The following CCDC102B variants were observed in gnomAD, a reference collection of about 807,000 sequenced individuals.
CCDC102B encodes the protein coiled-coil domain containing 102B.
A neutral mutation model predicts 57.4 loss-of-function variants in CCDC102B; 75 were observed. The observed-to-expected ratio is 1.31, with a 90% CI of 1.08 to 1.58. CCDC102B has a LOEUF of 1.58. Among genes scored for constraint, CCDC102B ranks in the 40% most tolerant of loss-of-function variants. The pLI, the probability that CCDC102B is intolerant of heterozygous loss-of-function variation, is 0.00. For synonymous variants in CCDC102B, 206 were observed against 201.9 expected (o/e 1.02, Z -0.17); for missense variants, 636 against 582.6 (o/e 1.09, Z -0.94).
At chr18:68,835,737 T>G (rs2144782411) in intron 1 of CCDC102B, among the ~76,000 whole-genome samples, 1 of 152,336 alleles carries the variant, frequency 6.6e-6, no homozygotes, top group East Asian at 1.9e-4. Flanking sequence ...ATCTTCATGA[T>G]TCACCATTTT....
At chr18:68,877,941 AT>A (rs2039514038) in intron 5 of CCDC102B, among the ~76,000 whole-genome samples, 1 of 152,194 alleles carries the variant, frequency 6.6e-6, no homozygotes, top group Non-Finnish European at 1.5e-5. Context: ...CATTAATTGA[AT>A]GAATGAGGGA....
At chr18:68,926,692 G>A (rs1296656605) in intron 6 of CCDC102B, among the ~76,000 whole-genome samples, 2 of 151,850 alleles carry the variant, frequency 1.3e-5, no homozygotes, top group Non-Finnish European at 2.9e-5. Flanking sequence ...TATTATTAAA[G>A]TTCATTATGT....
At chr18:68,761,477 T>C (rs2034252282) in intron 2 of CCDC102B, among the ~76,000 whole-genome samples, 1 of 150,996 alleles carries the variant, frequency 6.6e-6, no homozygotes, top group Admixed American at 6.6e-5. Context: ...TCTCCCACTC[T>C]GAGTGTGAAT....
chr18:68,793,619 A>G (rs867969606), upstream of CCDC102B, among the ~76,000 whole-genome samples: 2 of 152,062 alleles, frequency 1.3e-5, no homozygotes, highest in Middle Eastern at 3.4e-3. Flanking sequence ...CCATCCATCC[A>G]TCCATCCATC....
At chr18:69,022,821 C>G (rs1230034357) in intron 7 of CCDC102B, among the ~76,000 whole-genome samples, 1 of 151,174 alleles carries the variant, frequency 6.6e-6, no homozygotes, top group Non-Finnish European at 1.5e-5. Context: ...TACCCTGTGG[C>G]TGGCCCCATA....
chr18:68,825,915 CTAATTT>C (rs1240149499), intron 1 of CCDC102B, among the ~76,000 whole-genome samples: 1 of 152,040 alleles, frequency 6.6e-6, no homozygotes, highest in Non-Finnish European at 1.5e-5. Context: ...TTCTCATTTT[CTAATTT>C]TAAGTTGTTA....
chr18:69,034,917 T>G (rs1484574590), intron 7 of CCDC102B, among the ~76,000 whole-genome samples: 4 of 151,864 alleles, frequency 2.6e-5, no homozygotes, highest in Non-Finnish European at 2.9e-5. Flanking sequence ...ATTGTCCACT[T>G]AGAGAAAACT....
At chr18:68,828,828 C>T (rs1056949004) in intron 1 of CCDC102B, among the ~76,000 whole-genome samples, 6 of 151,528 alleles carry the variant, frequency 4.0e-5, no homozygotes, top group Admixed American at 3.3e-4. Flanking sequence ...TGTCATGTCA[C>T]TTCCAATCAA....
intron 1 of CCDC102B, among the ~76,000 whole-genome samples, chr18:68,810,119 G>A (rs756387949): frequency 2.9e-4 from 44 of 152,160 alleles, no homozygotes; most frequent in Non-Finnish European, 5.6e-4. Flanking sequence ...AGATTTGAAA[G>A]TGTTAATCTT....
chr18:69,050,052 C>A (rs57451420), intron 7 of CCDC102B, among the ~76,000 whole-genome samples: 8,040 of 81,350 alleles, frequency 0.099, 726 homozygotes, highest in African/African-American at 0.22. Context: ...CAAGTGATCC[C>A]CCTGCCTTGG....
At chr18:68,901,970 C>T (rs2145037165) in intron 6 of CCDC102B, among the ~76,000 whole-genome samples, 2 of 152,258 alleles carry the variant, frequency 1.3e-5, no homozygotes, top group Non-Finnish European at 2.9e-5. Context: ...TTCTGTAGGT[C>T]TAGGATAAGG....
At chr18:69,011,405 G>A (rs922778680) in intron 7 of CCDC102B, among the ~76,000 whole-genome samples, 4 of 151,338 alleles carry the variant, frequency 2.6e-5, no homozygotes, top group African/African-American at 9.7e-5. Flanking sequence ...TTTAAATATA[G>A]GCACAGTATC....
intron 1 of CCDC102B, among the ~76,000 whole-genome samples, chr18:68,824,068 T>C (rs1471530157): frequency 6.6e-6 from 1 of 152,134 alleles, no homozygotes; most frequent in African/African-American, 2.4e-5. Context: ...GTCCCACTTG[T>C]CATTTTTAGG....
At chr18:68,893,733 A>G (rs1016362763) in intron 5 of CCDC102B, among the ~76,000 whole-genome samples, 2 of 152,164 alleles carry the variant, frequency 1.3e-5, no homozygotes, top group Non-Finnish European at 2.9e-5. Flanking sequence ...TGGCAGTTGA[A>G]GAATGAGTAA....
chr18:69,036,314 A>T (rs562713787), intron 7 of CCDC102B, among the ~76,000 whole-genome samples: 1 of 152,104 alleles, frequency 6.6e-6, no homozygotes, highest in South Asian at 2.1e-4. Context: ...AATCCTTGTT[A>T]TATTATCCGT....
At chr18:68,730,084 C>A (rs949106308) in intron 2 of CCDC102B, among the ~76,000 whole-genome samples, 3 of 152,038 alleles carry the variant, frequency 2.0e-5, no homozygotes, top group Non-Finnish European at 4.4e-5. Flanking sequence ...AATGGGAATC[C>A]TTAATGCACT....
At chr18:68,817,109 T>C (rs1409810620) in intron 1 of CCDC102B, among the ~76,000 whole-genome samples, 1 of 152,230 alleles carries the variant, frequency 6.6e-6, no homozygotes, top group Non-Finnish European at 1.5e-5. Flanking sequence ...CGTTATAAAA[T>C]GTTGCATGCA....
At chr18:68,870,231 G>A (rs1005665056) in intron 4 of CCDC102B, among the ~76,000 whole-genome samples, 2 of 152,028 alleles carry the variant, frequency 1.3e-5, no homozygotes, top group Non-Finnish European at 2.9e-5. Flanking sequence ...AGAGCATTAG[G>A]ATGAATGCAT....
Position 68,897,221 on chromosome 18 carries a change from A to G in CCDC102B, c.1056A>G (p.Leu352=). The G allele has an allele frequency of 6.2e-7, 1 of 1,610,958 alleles. No homozygotes were observed. The highest frequency in any genetic ancestry group is 8.5e-7 in the Non-Finnish European group (1 of 1,178,090). The change falls in exon 6 of 8, where the codon CTA becomes CTG. Residue 352 remains leucine (L), a splice_region_variant and synonymous_variant. Coordinates refer to ENST00000360242, the MANE Select transcript of CCDC102B (RefSeq NM_024781.3). Reference sequence around the variant, plus strand: ...TTCTTTGTGTTTTCTGTGTGTAGCTAGAGAGATTGCAAGCTGAAAATACCT... The same window carrying G: ...TTCTTTGTGTTTTCTGTGTGTAGCTGGAGAGATTGCAAGCTGAAAATACCT... ...DRVICELRAE[L]ERLQAENTSE...
Sources: gnomAD v4.1 joint callset for allele counts (sites outside exome capture counted in the v4.1 genomes callset) on GRCh38, gnomAD v4.1.1 for gene constraint, MANE v1.5 for transcripts, NCBI Gene and HGNC (gene_info 2026-07-23, HGNC 2026-07-21) for gene names.